The following XDH variants were observed in gnomAD, a reference collection of about 807,000 sequenced individuals.
The protein encoded by XDH is xanthine dehydrogenase/oxidase.
Under a neutral mutation model 156.1 loss-of-function variants are expected in XDH, and 138 were observed. The ratio of observed to expected loss-of-function variants is 0.88; its 90% confidence interval spans 0.77 to 1.02. XDH has a LOEUF of 1.02. XDH is among the 50% of genes least tolerant of loss of function. The probability of loss-of-function intolerance (pLI) is 0.00; values close to 1 mark genes in which losing one functional copy is unlikely to be tolerated. For synonymous variants in XDH, 669 were observed against 625.7 expected, an observed-to-expected ratio of 1.07 and a Z score of -1.03; for missense variants, 1,849 against 1,684.9, an observed-to-expected ratio of 1.10 and a Z score of -1.71.
intron 20 of XDH, among the ~76,000 whole-genome samples, chr2:31,367,645 G>A (rs767116894): frequency 2.6e-5 from 4 of 152,022 alleles, no homozygotes; most frequent in Admixed American, 1.3e-4. Flanking sequence ...GAATTTATGC[G>A]GTTAGAGGCC....
chr2:31,396,815 G>C (rs965096799), intron 6 of XDH, among the ~76,000 whole-genome samples: 9 of 152,166 alleles, frequency 5.9e-5, no homozygotes, highest in African/African-American at 1.9e-4. Flanking sequence ...GCATTAATCA[G>C]AGTGTGGTGT....
intron 6 of XDH, among the ~76,000 whole-genome samples, chr2:31,395,788 T>C (rs918113692): frequency 1.3e-5 from 2 of 152,240 alleles, no homozygotes; most frequent in East Asian, 1.9e-4. Context: ...ATTCCTCTGA[T>C]GGATCTAAAA....
At chr2:31,354,374 T>G (rs1463030760) in intron 24 of XDH, among the ~76,000 whole-genome samples, 1 of 152,178 alleles carries the variant, frequency 6.6e-6, no homozygotes, top group East Asian at 1.9e-4. Context: ...AAAAATCACT[T>G]GTCATACCAA....
At chr2:31,355,078 A>C (rs1168072908) in intron 24 of XDH, among the ~76,000 whole-genome samples, 2 of 152,192 alleles carry the variant, frequency 1.3e-5, no homozygotes, top group Non-Finnish European at 2.9e-5. Context: ...CCTAATTAGA[A>C]TGACAGAGGA....
rs1391130259 is a variant in XDH at position 31,354,494 on chromosome 2, G to GA, written c.2632-4272dup. 4.6e-5 allele frequency among the ~76,000 whole-genome samples: 7 copies of GA among 152,018 alleles called. No individual in the cohort carries two copies. In the East Asian group the frequency reaches 7.7e-4, roughly 17 times the overall value. ...CTGACTGTAGTTTTAATGCAGCCAT[G>GA]AAAAAAATGCCTCTGAGATCAATTG... On this transcript the variant is annotated intron_variant, in intron 24 of 35. Transcript: ENST00000379416.
chr2:31,349,983 C>T lies in XDH; in HGVS notation c.2823+49G>A, dbSNP rs377071264. On this transcript the variant is annotated intron_variant, in intron 25 of 35. Transcript: ENST00000379416. Reference sequence around the variant, plus strand: ...CCCAAGATACAAAGCCGCTGTCCCCCGAAGTAGTCTAAAGCACTCTGACTT... The same window carrying T: ...CCCAAGATACAAAGCCGCTGTCCCCTGAAGTAGTCTAAAGCACTCTGACTT... The T allele has an allele frequency of 9.3e-5, 150 of 1,612,360 alleles. No individual in the cohort carries two copies. The Middle Eastern group carries it at 1.0e-3, about 11-fold the overall frequency.
chr2:31,349,926 C>T, intron 25 of XDH, 95 bp from the exon 26 acceptor site: 2 of 1,611,600 alleles, frequency 1.2e-6, no homozygotes, highest in Non-Finnish European at 1.7e-6. Context: ...CCCTCAGCAG[C>T]CCCTGCCTGT....
intron 8 of XDH, 139 bp downstream of exon 8, chr2:31,387,672 C>G: frequency 1.2e-6 from 1 of 803,306 alleles, no homozygotes; most frequent in East Asian, 2.7e-5. Flanking sequence ...AGGGGAGTGT[C>G]AGAAAATGGA....
intron 15 of XDH, among the ~76,000 whole-genome samples, chr2:31,375,019 C>CTTT (rs757150117): frequency 1.4e-3 from 146 of 101,206 alleles, no homozygotes; most frequent in African/African-American, 6.1e-3. Flanking sequence ...TTCTTTCTTT[C>CTTT]TTTCTTTTTT....
intron 24 of XDH, among the ~76,000 whole-genome samples, chr2:31,350,968 T>C (rs1001625146): frequency 6.6e-6 from 1 of 152,216 alleles, no homozygotes; most frequent in African/African-American, 2.4e-5. Flanking sequence ...TCATAGCTTA[T>C]CATCTATCAG....
rs2148766024 is a variant in XDH at position 31,364,221 on chromosome 2, T to C, written c.2568A>G (p.Thr856=). The C allele has an allele frequency of 6.2e-7, 1 of 1,614,168 alleles. No homozygotes were observed. The highest frequency in any genetic ancestry group is 8.5e-7 in the Non-Finnish European group (1 of 1,180,030). Reference sequence around the variant, plus strand: ...AGTGGTCCACCTCAAGAGCCACAACTGTCCCAGTCTTCATGAAGCCAACCT... The same window carrying C: ...AGTGGTCCACCTCAAGAGCCACAACCGTCCCAGTCTTCATGAAGCCAACCT... ...RYKVGFMKTG[T]VVALEVDHFS... is the part of the protein sequence containing the mutation. The change falls in exon 24 of 36, where the codon ACA becomes ACG. Residue 856 remains threonine, a synonymous_variant. Transcript: ENST00000379416.
intron 6 of XDH, among the ~76,000 whole-genome samples, chr2:31,397,075 C>T (rs1288493521): frequency 6.6e-6 from 1 of 152,170 alleles, no homozygotes; most frequent in East Asian, 1.9e-4. Flanking sequence ...AAGGAGATGC[C>T]AGCTCTCTGC....
chr2:31,396,243 C>T (rs1300651943), intron 6 of XDH, among the ~76,000 whole-genome samples: 1 of 152,134 alleles, frequency 6.6e-6, no homozygotes, highest in Non-Finnish European at 1.5e-5. Context: ...ATGGTGAAAT[C>T]AAGAGCGATT....
intron 24 of XDH, among the ~76,000 whole-genome samples, chr2:31,359,826 T>C (rs1012424428): frequency 1.3e-5 from 2 of 152,206 alleles, no homozygotes; most frequent in Non-Finnish European, 1.5e-5. Flanking sequence ...TCCTAAATTG[T>C]GGCATATTGA....
intron 8 of XDH, 126 bp downstream of exon 8, chr2:31,387,685 G>A: frequency 1.1e-6 from 1 of 926,028 alleles, no homozygotes; most frequent in Non-Finnish European, 1.7e-6. Flanking sequence ...AAAATGGAAG[G>A]GAAATTTAAG....
At chr2:31,402,195 T>G (rs902554587) in intron 3 of XDH, among the ~76,000 whole-genome samples, 1 of 152,166 alleles carries the variant, frequency 6.6e-6, no homozygotes, top group Non-Finnish European at 1.5e-5. Context: ...CAATCAGAAG[T>G]AGTCAACAAA....
At position 31,334,496 on chromosome 2, in the gene XDH, A is replaced by G. The variant is rs2148744996; in HGVS notation, c.*1462T>C. On this transcript the variant is annotated 3_prime_UTR_variant, in exon 36 of 36. Coordinates refer to ENST00000379416, the MANE Select transcript of XDH (RefSeq NM_000379.4). Reference sequence around the variant, plus strand: ...CCCAGCACCATGTAGGGATTAAATCACCATTTGGAGCAATAAAAGGGATGT... The same window carrying G: ...CCCAGCACCATGTAGGGATTAAATCGCCATTTGGAGCAATAAAAGGGATGT... 1 of 152,268 alleles carries G rather than the reference A, an allele frequency of 6.6e-6. No individual in the cohort carries two copies. Among genetic ancestry groups the G allele is most frequent in the Admixed American group, 6.5e-5 (1 of 15,300 alleles). The allele number at this position is 152,268 out of a possible 1,614,324, so 9.4% of individuals were successfully genotyped here.
At chr2:31,344,937 G>A (rs1329826090) in intron 30 of XDH, among the ~76,000 whole-genome samples, 1 of 152,184 alleles carries the variant, frequency 6.6e-6, no homozygotes, top group Non-Finnish European at 1.5e-5. Context: ...GAACACTGTA[G>A]TCACCTCTTA....
intron 35 of XDH, among the ~76,000 whole-genome samples, chr2:31,336,733 C>T (rs1684978288): frequency 6.7e-6 from 1 of 149,884 alleles, no homozygotes; most frequent in African/African-American, 2.5e-5. Flanking sequence ...ATTTGTCTGC[C>T]CCTGGGGTTC....
Sources: gnomAD v4.1 joint callset for allele counts (sites outside exome capture counted in the v4.1 genomes callset) on GRCh38, gnomAD v4.1.1 for gene constraint, MANE v1.5 for transcripts, NCBI Gene and HGNC (gene_info 2026-07-23, HGNC 2026-07-21) for gene names.